The following TCERG1L variants were observed in gnomAD, a reference collection of about 807,000 sequenced individuals.
TCERG1L encodes transcription elongation regulator 1 like.
In TCERG1L, 37 loss-of-function variants were observed where a neutral mutation model predicts 56.3. The ratio of observed to expected loss-of-function variants is 0.66; its 90% confidence interval spans 0.51 to 0.87. The LOEUF (loss-of-function observed/expected upper bound fraction) is 0.87. Among genes scored for constraint, TCERG1L ranks in the 40% least tolerant of loss-of-function variants. TCERG1L has a pLI of 0.00. For missense variants in TCERG1L, 799 were observed against 774.2 expected, an observed-to-expected ratio of 1.03 and a Z score of -0.38; for synonymous variants, 324 against 326.3, an observed-to-expected ratio of 0.99 and a Z score of 0.08.
At chr10:131,206,566 G>T (rs1024428437) in intron 4 of TCERG1L, among the ~76,000 whole-genome samples, 3 of 152,260 alleles carry the variant, frequency 2.0e-5, no homozygotes. Flanking sequence ...CAAAGTCCGT[G>T]CAATCAAGGA....
intron 6 of TCERG1L, among the ~76,000 whole-genome samples, chr10:131,146,972 C>T (rs919423527): frequency 6.6e-6 from 1 of 152,194 alleles, no homozygotes; most frequent in African/African-American, 2.4e-5. Flanking sequence ...CCAGCTGTCA[C>T]TGCCTCAGTG....
chr10:131,284,058 C>T (rs538599101), intron 3 of TCERG1L, among the ~76,000 whole-genome samples: 93 of 147,440 alleles, frequency 6.3e-4, no homozygotes, highest in South Asian at 1.3e-3. Flanking sequence ...ACCCAGGGGG[C>T]GAGGCTGCAG....
rs550995631 is a variant in TCERG1L, at chr10:131,110,886, C to T, written c.1395+5913G>A. Reference sequence around the variant, plus strand: ...TGGAGGTGCCCCATGCGTGTGATGGCTCCCGGAGGTTATCACGGACAGGAC... The same window carrying T: ...TGGAGGTGCCCCATGCGTGTGATGGTTCCCGGAGGTTATCACGGACAGGAC... On this transcript the variant is annotated intron_variant, in intron 9 of 11. Transcript: ENST00000368642. Among the ~76,000 whole-genome samples, 2 of 143,694 alleles carry T rather than the reference C, an allele frequency of 1.4e-5. 1 individual carries two copies. Among genetic ancestry groups the T allele is most frequent in the Non-Finnish European group, 3.1e-5 (2 of 63,648 alleles). The allele number at this position is 143,694 out of a possible 152,430, so 94.3% of individuals were successfully genotyped here. A position where few individuals can be genotyped will look rare whatever the true frequency, so the allele number is the denominator to read the frequency against.
intron 4 of TCERG1L, among the ~76,000 whole-genome samples, chr10:131,222,734 A>G (rs1297412557): frequency 6.6e-6 from 1 of 152,170 alleles, no homozygotes; most frequent in Non-Finnish European, 1.5e-5. Context: ...TAATGTGGCC[A>G]TGCCTGTCTG....
chr10:131,211,693 T>C (rs1046213619), intron 4 of TCERG1L, among the ~76,000 whole-genome samples: 1 of 151,934 alleles, frequency 6.6e-6, no homozygotes, highest in East Asian at 1.9e-4. Flanking sequence ...AGCACGAAAA[T>C]TGCACACATG....
At chr10:131,282,084 G>C (rs2918111) in intron 3 of TCERG1L, among the ~76,000 whole-genome samples, 91,359 of 148,668 alleles carry the variant, frequency 0.61, 28,313 homozygotes, top group East Asian at 0.86. Context: ...TGCAGTGAGC[G>C]GAGATCACGC....
chr10:131,307,632 G>T (rs1564838119), intron 3 of TCERG1L, among the ~76,000 whole-genome samples: 1 of 152,008 alleles, frequency 6.6e-6, no homozygotes, highest in Non-Finnish European at 1.5e-5. Context: ...TACTATATAG[G>T]TTTATTATAC....
chr10:131,196,250 T>G (rs552367050), intron 4 of TCERG1L, among the ~76,000 whole-genome samples: 2 of 152,216 alleles, frequency 1.3e-5, no homozygotes, highest in African/African-American at 2.4e-5. Flanking sequence ...CATGGCACCC[T>G]CTGTGAAATA....
intron 4 of TCERG1L, among the ~76,000 whole-genome samples, chr10:131,177,874 G>A (rs763745975): frequency 4.0e-5 from 6 of 150,574 alleles, no homozygotes; most frequent in Admixed American, 1.3e-4. Flanking sequence ...TTCCCGTCTC[G>A]ATCTCGCATG....
At chr10:131,189,468 T>C (rs567516081) in intron 4 of TCERG1L, among the ~76,000 whole-genome samples, 1 of 152,360 alleles carries the variant, frequency 6.6e-6, no homozygotes, top group East Asian at 1.9e-4. Context: ...CTTAACTTGA[T>C]GACCTCCAGT....
At chr10:131,266,378 C>G (rs1013534426) in intron 3 of TCERG1L, among the ~76,000 whole-genome samples, 1 of 152,206 alleles carries the variant, frequency 6.6e-6, no homozygotes, top group African/African-American at 2.4e-5. Context: ...TGAATGTTCA[C>G]GGCTGCAGAA....
chr10:131,260,460 G>A lies in TCERG1L; in HGVS notation c.671-16C>T. 1.4e-6 allele frequency: 2 copies of A among 1,386,282 alleles called. No individual in the cohort carries two copies. Among genetic ancestry groups the A allele is most frequent in the South Asian group, 1.7e-5 (1 of 57,470 alleles). 85.9% of individuals were successfully genotyped at this position (1,386,282 alleles called of 1,614,324 possible). ...TGGCAGCCACCTGCGGAAGAGGGAT[G>A]CAGAGGGTCAGCAAGGGGACGACCA... On this transcript the variant is annotated splice_polypyrimidine_tract_variant and intron_variant, in intron 3 of 11. Coordinates refer to ENST00000368642, the MANE Select transcript of TCERG1L (RefSeq NM_174937.4). The surrounding 1 kb of genome is among the most constrained non-coding windows in gnomAD (Gnocchi z 5.8).
intron 3 of TCERG1L, among the ~76,000 whole-genome samples, chr10:131,305,291 G>C (rs1285103982): frequency 3.9e-5 from 6 of 152,188 alleles, no homozygotes; most frequent in South Asian, 2.1e-4. Context: ...CATCCTCCTG[G>C]TCACGAATGA....
intron 5 of TCERG1L, among the ~76,000 whole-genome samples, chr10:131,165,754 A>G (rs1314010487): frequency 1.3e-5 from 2 of 152,152 alleles, no homozygotes; most frequent in Non-Finnish European, 2.9e-5. Flanking sequence ...TAAATTTGGC[A>G]AGGCTGGGGT....
At chr10:131,170,132 C>T (rs1388222845) in intron 4 of TCERG1L, among the ~76,000 whole-genome samples, 2 of 152,082 alleles carry the variant, frequency 1.3e-5, no homozygotes, top group African/African-American at 2.4e-5. Context: ...CACTCTTTCA[C>T]AGTCATTGAT....
At chr10:131,162,454 G>A (rs1287635387) in intron 6 of TCERG1L, 1 of 152,256 alleles carries the variant, frequency 6.6e-6, no homozygotes, top group Non-Finnish European at 1.5e-5. Flanking sequence ...CAAGGCTGGT[G>A]GGGGCCCTGC....
At chr10:131,309,884 C>A (rs1846865060) in intron 1 of TCERG1L, among the ~76,000 whole-genome samples, 1 of 124,914 alleles carries the variant, frequency 8.0e-6, no homozygotes, top group Admixed American at 8.1e-5. Flanking sequence ...AGTTGAAGAT[C>A]TCAATACACA....
chr10:131,226,605 G>A (rs1845793089), intron 4 of TCERG1L, among the ~76,000 whole-genome samples: 1 of 152,230 alleles, frequency 6.6e-6, no homozygotes, highest in Non-Finnish European at 1.5e-5. Context: ...ATAAGCCACT[G>A]AAGGAAGGGA....
intron 4 of TCERG1L, among the ~76,000 whole-genome samples, chr10:131,219,510 C>A (rs1845707065): frequency 6.6e-6 from 1 of 152,192 alleles, no homozygotes; most frequent in South Asian, 2.1e-4. Flanking sequence ...GGGCTCAATA[C>A]ATACTTGCAG....
Sources: allele counts gnomAD v4.1 joint callset (sites outside exome capture counted in the v4.1 genomes callset), GRCh38; gene constraint gnomAD v4.1.1; non-coding constraint Gnocchi (gnomAD v3.1); transcripts MANE v1.5; gene names NCBI Gene and HGNC (gene_info 2026-07-23, HGNC 2026-07-21).